Variants in TUT4 observed in about 807,000 individuals in gnomAD.
The protein encoded by TUT4 is terminal uridylyl transferase 4, also known as terminal uridylyltransferase 4.
In TUT4, 36 loss-of-function variants were observed where a neutral mutation model predicts 192.2. The observed-to-expected ratio is 0.19, with a 90% CI of 0.14 to 0.25. TUT4 has a LOEUF of 0.25. TUT4 is among the 10% of genes least tolerant of loss of function. The pLI, the probability that TUT4 is intolerant of heterozygous loss-of-function variation, is 1.00. For missense variants in TUT4, 1,493 were observed against 1,957.2 expected, an observed-to-expected ratio of 0.76 and a Z score of 4.47; for synonymous variants, 618 against 666.0, an observed-to-expected ratio of 0.93 and a Z score of 1.11.
chr1:52,498,905 TATATATATATATATA>T (rs1673267123), intron 4 of TUT4, among the ~76,000 whole-genome samples: 1 of 2,016 alleles, frequency 5.0e-4, no homozygotes, highest in African/African-American at 7.6e-4. Flanking sequence ...AAAAAAATTA[TATATATATATATATA>T]TATATATATA....
rs919559320 is a variant in TUT4, at chr1:52,502,609, C to CTTTTTTTTTTT, written c.1000-5437_1000-5427dup. On this transcript the variant is annotated intron_variant, in intron 4 of 29. Transcript: ENST00000257177. ...TCATTAAGTAAGCCCTCTTAGCCCT[C>CTTTTTTTTTTT]TTTTTTTTTTTTTTTTTTTTTTTGA... Among the ~76,000 whole-genome samples, 23 of 82,128 alleles carry CTTTTTTTTTTT rather than the reference C, an allele frequency of 2.8e-4. 2 individuals are homozygous for CTTTTTTTTTTT. The highest frequency in any genetic ancestry group is 8.6e-4 in the African/African-American group (16 of 18,640). 53.9% of individuals were successfully genotyped at this position (82,128 alleles called of 152,430 possible).
At chr1:52,468,058 T>C in intron 15 of TUT4, 123 bp downstream of exon 15, 1 of 696,014 alleles carries the variant, frequency 1.4e-6, no homozygotes, top group South Asian at 1.9e-5. Context: ...TTATTAGCAC[T>C]GTATTCCCAG....
Position 52,509,731 on chromosome 1 carries a change from A to C in TUT4, c.883-19T>G, listed in dbSNP as rs1315154308. ...GTGATCGCTGAAGAGACAAATTTTA[A>C]AAATGCACTTTATTCAGAAAACAGA... On this transcript the variant is annotated intron_variant, in intron 3 of 29. Coordinates refer to ENST00000257177, the MANE Select transcript of TUT4 (RefSeq NM_001009881.3). 1.4e-6 allele frequency: 2 copies of C among 1,411,616 alleles called. No homozygotes were observed. Among genetic ancestry groups the C allele is most frequent in the South Asian group, 2.3e-5 (2 of 85,760 alleles). 87.4% of individuals were successfully genotyped at this position (1,411,616 alleles called of 1,614,324 possible).
chr1:52,474,825 A>G lies in TUT4; in HGVS notation c.2727+7T>C. 1.9e-6 allele frequency: 3 copies of G among 1,582,316 alleles called. No homozygotes were observed. In the Admixed American group the frequency reaches 5.2e-5, roughly 28 times the overall value. Reference sequence around the variant, plus strand: ...ATCTTACAGATCATTTACAAACTGTATCCTACCTTGCCAGAGGTTAAAATA... The same window carrying G: ...ATCTTACAGATCATTTACAAACTGTGTCCTACCTTGCCAGAGGTTAAAATA... On this transcript the variant is annotated splice_region_variant and intron_variant, in intron 13 of 29. Transcript: ENST00000257177.
chr1:52,510,333 A>G (rs932533855), intron 3 of TUT4, among the ~76,000 whole-genome samples: 17 of 151,486 alleles, frequency 1.1e-4, no homozygotes, highest in African/African-American at 3.4e-4. Flanking sequence ...AAAAAAAAAA[A>G]AAAAAAAAGA....
At chr1:52,473,096 A>G (rs919798007) in intron 13 of TUT4, among the ~76,000 whole-genome samples, 5 of 152,126 alleles carry the variant, frequency 3.3e-5, no homozygotes, top group African/African-American at 1.2e-4. Flanking sequence ...AGTTTCCAGG[A>G]AAAAAAGTAT....
intron 4 of TUT4, among the ~76,000 whole-genome samples, chr1:52,507,535 A>G (rs1214701076): frequency 6.6e-6 from 1 of 152,170 alleles, no homozygotes; most frequent in Non-Finnish European, 1.5e-5. Flanking sequence ...CACCAAAAGT[A>G]TACGTCCTAT....
At chr1:52,502,736 C>G (rs1008466775) in intron 4 of TUT4, among the ~76,000 whole-genome samples, 1 of 151,154 alleles carries the variant, frequency 6.6e-6, no homozygotes, top group Non-Finnish European at 1.5e-5. Context: ...CGCTCCTCCA[C>G]CTAAGCCTCT....
intron 20 of TUT4, among the ~76,000 whole-genome samples, chr1:52,447,591 G>A (rs1363026611): frequency 6.6e-6 from 1 of 151,778 alleles, no homozygotes; most frequent in Non-Finnish European, 1.5e-5. Context: ...AGAAAAAAAC[G>A]CTATTTTTAC....
intron 28 of TUT4, among the ~76,000 whole-genome samples, chr1:52,427,997 T>G (rs113035987): frequency 1.3e-5 from 2 of 152,010 alleles, no homozygotes; most frequent in African/African-American, 4.8e-5. Flanking sequence ...GGGACAGAGG[T>G]ACACATTAAA....
At position 52,431,362 on chromosome 1, in the gene TUT4, T is replaced by C. The variant is rs61732684; in HGVS notation, c.4362A>G (p.Gln1454=). 0.012 allele frequency: 19,381 copies of C among 1,614,062 alleles called. 328 individuals are homozygous for C. Among genetic ancestry groups the C allele is most frequent in the African/African-American group, 0.08 (6,001 of 74,974 alleles). ...CCTGCTGAGGTGGGCCAAGCTTAGG[T>C]TGGGATCCTGGCTGAGATGAAGGCT... ...ITQPSSQPGS[Q]PKLGPPQQGA... Residue 1454 remains glutamine (Q), a synonymous_variant, in exon 28 of 30, where the codon CAA becomes CAG. Transcript: ENST00000257177.
In TUT4 at chr1:52,446,416, C is replaced by A. The variant is rs1657520936; in HGVS notation, c.3540G>T (p.Lys1180Asn). The A allele has an allele frequency of 4.4e-6, 7 of 1,601,210 alleles. No individual in the cohort carries two copies. The highest frequency in any genetic ancestry group is 5.9e-6 in the Non-Finnish European group (7 of 1,176,642). Residue 1180 changes from lysine to asparagine, a missense_variant, in exon 22 of 30, where the codon AAG becomes AAT. Around this residue, in one of 7 missense-constraint regions of TUT4, gnomAD observed 141 missense variants for 382.7 expected, o/e 0.37. Transcript: ENST00000257177. ...ELKKRLPSLG[K>N]NTESLGELWL... ...AAAGCTCCCCTAATGATTCTGTGTT[C>A]TTTCCAAGTGAAGGTAAACGCTTTT...
chr1:52,435,265 T>C lies in TUT4; in HGVS notation c.4263+100A>G. On this transcript the variant is annotated intron_variant, in intron 27 of 29. Coordinates refer to ENST00000257177, the MANE Select transcript of TUT4 (RefSeq NM_001009881.3). ...CATATATACAAAGCACTGTGTAATC[T>C]GGAAGATTGTATTAGCCAGTCTGAG... The C allele has an allele frequency of 3.3e-6, 3 of 908,388 alleles. No homozygotes were observed. In the South Asian group the frequency reaches 4.9e-5, roughly 15 times the overall value. The allele number at this position is 908,388 out of a possible 1,614,324, so 56.3% of individuals were successfully genotyped here.
At chr1:52,507,025 CCTACTA>C (rs1389081818) in intron 4 of TUT4, among the ~76,000 whole-genome samples, 2 of 152,084 alleles carry the variant, frequency 1.3e-5, no homozygotes, top group East Asian at 3.9e-4. Context: ...GCTAAATATC[CCTACTA>C]CTGAAACAAG....
Position 52,525,822 on chromosome 1 carries a change from T to C in TUT4, c.459A>G (p.Val153=). 6.2e-7 allele frequency: 1 copy of C among 1,614,206 alleles called. No homozygotes were observed. Among genetic ancestry groups the C allele is most frequent in the Non-Finnish European group, 8.5e-7 (1 of 1,180,040 alleles). The change falls in exon 2 of 30, where the codon GTA becomes GTG. Residue 153 remains valine (V), a synonymous_variant. Coordinates refer to ENST00000257177, the MANE Select transcript of TUT4 (RefSeq NM_001009881.3). The part of the protein sequence containing the change: ...ASSYQMKSEK[V]PSSPAEAEKG... The stretch of plus-strand genomic sequence containing the variant: ...TTTCTGCTTCTGCTGGTGAACTTGG[T>C]ACTTTTTCTGACTTCATCTGATAAC...
At chr1:52,458,519 G>T in intron 19 of TUT4, 70 bp from the exon 20 acceptor site, 1 of 1,191,216 alleles carries the variant, frequency 8.4e-7, no homozygotes, top group Non-Finnish European at 1.2e-6. Flanking sequence ...TAAACATTCT[G>T]CCACATCATT....
chr1:52,499,692 C>T (rs1299268393), intron 4 of TUT4, among the ~76,000 whole-genome samples: 1 of 151,982 alleles, frequency 6.6e-6, no homozygotes, highest in Non-Finnish European at 1.5e-5. Flanking sequence ...TGAGATTGCA[C>T]CACTGCAGTC....
chr1:52,495,583 A>T (rs1570946072), intron 5 of TUT4, 68 bp from the exon 6 acceptor site: 1 of 1,237,426 alleles, frequency 8.1e-7, no homozygotes, highest in East Asian at 2.4e-5. Context: ...AAAAACAGCG[A>T]CGGGAAAATT....
intron 28 of TUT4, among the ~76,000 whole-genome samples, chr1:52,426,571 A>G (rs1469578734): frequency 6.6e-6 from 1 of 152,050 alleles, no homozygotes. Flanking sequence ...AAAAAAAACT[A>G]AAGCCCGTGT....
Sources: allele counts gnomAD v4.1 joint callset (sites outside exome capture counted in the v4.1 genomes callset), GRCh38; gene constraint gnomAD v4.1.1; regional missense constraint gnomAD v4.1.1; transcripts MANE v1.5; gene names NCBI Gene and HGNC (gene_info 2026-07-23, HGNC 2026-07-21).